UGGT2: variants seen among roughly 807,000 people sequenced by gnomAD.
The protein encoded by UGGT2 is UDP-glucose:glycoprotein glucosyltransferase 2.
A neutral mutation model predicts 192.1 loss-of-function variants in UGGT2; 180 were observed. The observed-to-expected ratio is 0.94, with a 90% CI of 0.83 to 1.06. The LOEUF (loss-of-function observed/expected upper bound fraction) is 1.06, where lower values mean the gene tolerates loss of function less well. UGGT2 is among the 50% of genes least tolerant of loss of function. The pLI is 0.00. For synonymous variants in UGGT2, 580 were observed against 591.0 expected, an observed-to-expected ratio of 0.98 and a Z score of 0.27; for missense variants, 1,849 against 1,795.7, an observed-to-expected ratio of 1.03 and a Z score of -0.54.
At chr13:95,854,213 TTGTGTAATTTTTAAGAAAAC>T (rs1273880970) in intron 35 of UGGT2, 82 bp downstream of exon 35, 286 of 1,333,730 alleles carry the variant, frequency 2.1e-4, no homozygotes, top group African/African-American at 3.4e-4. Flanking sequence ...GTTGCTTTTA[TTGTGTAATTTTTAAGAAAAC>T]TGTGTAATTT....
chr13:95,869,634 G>A (rs1485743107), intron 29 of UGGT2, among the ~76,000 whole-genome samples: 2 of 152,162 alleles, frequency 1.3e-5, no homozygotes, highest in Non-Finnish European at 2.9e-5. Flanking sequence ...TCCAAATTGA[G>A]TCTAGATAGT....
intron 37 of UGGT2, 106 bp downstream of exon 37, chr13:95,836,980 A>C (rs1274313313): frequency 5.6e-6 from 5 of 900,252 alleles, no homozygotes; most frequent in Admixed American, 2.0e-5. Flanking sequence ...ACAGCAGAAG[A>C]AGCGAAGTAA....
In UGGT2 at chr13:95,895,178, A is replaced by C. The variant is rs2047912008; in HGVS notation, c.2759+2T>G. On this transcript the variant is annotated splice_donor_variant, in intron 23 of 38. Transcript: ENST00000376747. LOFTEE classifies it high-confidence loss of function. ...AATTGCTCTTAGAACTTATATACTC[A>C]CTTATTTGCGTTGATTCCCATATTT... The C allele has an allele frequency of 6.3e-7, 1 of 1,578,192 alleles. No homozygotes were observed. The highest frequency in any genetic ancestry group is 8.5e-7 in the Non-Finnish European group (1 of 1,170,824).
chr13:95,934,952 G>A (rs1473208375), intron 17 of UGGT2, among the ~76,000 whole-genome samples: 1 of 152,060 alleles, frequency 6.6e-6, no homozygotes, highest in Non-Finnish European at 1.5e-5. Flanking sequence ...CTCCAGTGTT[G>A]GTGCATATAT....
At chr13:95,860,643 G>A (rs541571913) in intron 32 of UGGT2, 145 bp downstream of exon 32, 1 of 432,432 alleles carries the variant, frequency 2.3e-6, no homozygotes, top group African/African-American at 2.1e-5. Flanking sequence ...AATATTATGG[G>A]TTTCCTGTGA....
chr13:95,887,184 A>G, intron 26 of UGGT2: 1 of 413,414 alleles, frequency 2.4e-6, no homozygotes. Flanking sequence ...GTATGCATAC[A>G]TTTTTTGTTT....
chr13:95,861,903 G>A (rs909563952), intron 31 of UGGT2, among the ~76,000 whole-genome samples: 14 of 152,066 alleles, frequency 9.2e-5, no homozygotes, highest in African/African-American at 3.1e-4. Context: ...AGCAGTTAAC[G>A]TCCCAAAAAC....
intron 2 of UGGT2, among the ~76,000 whole-genome samples, chr13:96,026,816 C>T (rs1482493146): frequency 6.6e-6 from 1 of 152,004 alleles, no homozygotes; most frequent in African/African-American, 2.4e-5. Flanking sequence ...GGACTACAGG[C>T]GCCCTCCACC....
At chr13:95,908,809 G>C (rs1396701915) in intron 20 of UGGT2, among the ~76,000 whole-genome samples, 1 of 127,512 alleles carries the variant, frequency 7.8e-6, no homozygotes, top group Non-Finnish European at 1.7e-5. Flanking sequence ...TTTTTTTCTT[G>C]TAAATTTGTT....
At chr13:96,017,001 T>C (rs2052359812) in intron 4 of UGGT2, among the ~76,000 whole-genome samples, 1 of 152,210 alleles carries the variant, frequency 6.6e-6, no homozygotes, top group Non-Finnish European at 1.5e-5. Context: ...ATGACAGCTT[T>C]AAGATTTAGT....
chr13:95,855,218 T>C (rs1442549355), intron 34 of UGGT2, among the ~76,000 whole-genome samples: 1 of 151,320 alleles, frequency 6.6e-6, no homozygotes, highest in South Asian at 2.1e-4. Context: ...TGCAGGAGTC[T>C]GAGGCTACAG....
chr13:96,024,813 C>A (rs575884272), intron 2 of UGGT2, among the ~76,000 whole-genome samples: 1 of 152,132 alleles, frequency 6.6e-6, no homozygotes, highest in African/African-American at 2.4e-5. Context: ...GTGGTTACAC[C>A]AGACTGCAAC....
intron 12 of UGGT2, among the ~76,000 whole-genome samples, chr13:95,961,262 C>T (rs2050383291): frequency 6.6e-6 from 1 of 152,024 alleles, no homozygotes; most frequent in Non-Finnish European, 1.5e-5. Context: ...TCAATAATAA[C>T]CTTGAATGTA....
intron 5 of UGGT2, among the ~76,000 whole-genome samples, chr13:96,007,995 C>T (rs1261037250): frequency 6.6e-6 from 1 of 152,104 alleles, no homozygotes; most frequent in Non-Finnish European, 1.5e-5. Context: ...AAGAATGAAA[C>T]TAACTAGACC....
In UGGT2 at chr13:95,947,146, G is replaced by A; in HGVS notation, c.1568C>T (p.Thr523Ile). 6.2e-7 allele frequency: 1 copy of A among 1,605,558 alleles called. No homozygotes were observed. Among genetic ancestry groups the A allele is most frequent in the Non-Finnish European group, 8.5e-7 (1 of 1,177,774 alleles). The change falls in exon 15 of 39, where the codon ACA becomes ATA. Residue 523 changes from threonine to isoleucine, a missense_variant. By Grantham distance (89) the Thr-to-Ile change is moderately conservative. Coordinates refer to ENST00000376747, the MANE Select transcript of UGGT2 (RefSeq NM_020121.4). ...ATTTGCTCCATCAACTTCATCATCT[G>A]TATTAAGAATGAACACAAAACCAAT... Reference protein sequence around the residue: ...LRIGFVFILNTDDEVDGANDA... With the variant: ...LRIGFVFILNIDDEVDGANDA...
chr13:95,840,222 G>A (rs1253837935), intron 36 of UGGT2, among the ~76,000 whole-genome samples: 1 of 152,058 alleles, frequency 6.6e-6, no homozygotes, highest in African/African-American at 2.4e-5. Flanking sequence ...AAGAGCTTCT[G>A]CACAACAAAA....
intron 26 of UGGT2, 127 bp downstream of exon 26, chr13:95,887,765 C>G: frequency 1.6e-6 from 1 of 608,700 alleles, no homozygotes; most frequent in Non-Finnish European, 2.9e-6. Flanking sequence ...ATAGTCTGAC[C>G]TTCTGACTTA....
intron 17 of UGGT2, among the ~76,000 whole-genome samples, chr13:95,928,143 A>G (rs1453018098): frequency 1.3e-5 from 2 of 152,162 alleles, no homozygotes; most frequent in African/African-American, 4.8e-5. Context: ...CAAAACCGCC[A>G]TCGTCATCAT....
intron 17 of UGGT2, among the ~76,000 whole-genome samples, chr13:95,930,578 T>C (rs1294441967): frequency 6.6e-6 from 1 of 152,158 alleles, no homozygotes; most frequent in Non-Finnish European, 1.5e-5. Flanking sequence ...GGTGTGTGGC[T>C]TTATTTCTGG....
Sources: gnomAD v4.1 joint callset for allele counts (sites outside exome capture counted in the v4.1 genomes callset) on GRCh38, gnomAD v4.1.1 for gene constraint, MANE v1.5 for transcripts, NCBI Gene and HGNC (gene_info 2026-07-23, HGNC 2026-07-21) for gene names.